FHIT: variants seen among roughly 807,000 people sequenced by gnomAD.
The protein encoded by FHIT is fragile histidine triad diadenosine triphosphatase, also known as bis(5'-adenosyl)-triphosphatase.
A neutral mutation model predicts 17.9 loss-of-function variants in FHIT; 19 were observed. The ratio of observed to expected loss-of-function variants is 1.06; its 90% confidence interval spans 0.74 to 1.56. The LOEUF (loss-of-function observed/expected upper bound fraction) is 1.56, where lower values mean the gene tolerates loss of function less well. Among genes scored for constraint, FHIT ranks in the 40% most tolerant of loss-of-function variants. The pLI, the probability that FHIT is intolerant of heterozygous loss-of-function variation, is 0.00. For synonymous variants in FHIT, 81 were observed against 69.7 expected (o/e 1.16, Z -0.81); for missense variants, 248 against 189.2 (o/e 1.31, Z -1.82).
chr3:59,975,792 A>G (rs1373511978), intron 7 of FHIT, among the ~76,000 whole-genome samples: 1 of 152,094 alleles, frequency 6.6e-6, no homozygotes. Context: ...TTCTTATAGC[A>G]GATCTAGAAC....
chr3:60,800,314 C>T (rs989273585), intron 4 of FHIT, among the ~76,000 whole-genome samples: 2 of 152,160 alleles, frequency 1.3e-5, no homozygotes, highest in African/African-American at 2.4e-5. Flanking sequence ...TATCATCTTA[C>T]GGTGCCTAAT....
chr3:61,116,062 G>A (rs537834806), intron 2 of FHIT, among the ~76,000 whole-genome samples: 5 of 152,112 alleles, frequency 3.3e-5, no homozygotes, highest in African/African-American at 1.2e-4. Flanking sequence ...GAAAATCCTG[G>A]AATTTTCTTA....
chr3:60,139,527 C>T (rs566221115), intron 5 of FHIT, among the ~76,000 whole-genome samples: 11 of 152,256 alleles, frequency 7.2e-5, no homozygotes, highest in African/African-American at 1.9e-4. Flanking sequence ...GATATCCCTT[C>T]TGAACTTCTT....
intron 2 of FHIT, among the ~76,000 whole-genome samples, chr3:61,187,957 T>C (rs952899356): frequency 2.0e-5 from 3 of 152,172 alleles, no homozygotes; most frequent in African/African-American, 7.2e-5. Flanking sequence ...TTTACAGCAC[T>C]AAATGCCCAT....
intron 5 of FHIT, among the ~76,000 whole-genome samples, chr3:60,040,539 C>G (rs890466410): frequency 1.3e-5 from 2 of 152,150 alleles, no homozygotes; most frequent in African/African-American, 4.8e-5. Flanking sequence ...TTGTGAATCT[C>G]CCCTGTCCTC....
intron 5 of FHIT, among the ~76,000 whole-genome samples, chr3:60,235,263 C>T (rs1226306346): frequency 1.4e-5 from 2 of 147,572 alleles, no homozygotes; most frequent in Non-Finnish European, 3.0e-5. Flanking sequence ...CAGAGTCTCA[C>T]TCTCTCACCC....
At position 60,312,211 on chromosome 3, in the gene FHIT, C is replaced by G. The variant is rs375518781; in HGVS notation, c.103+224649G>C. 5.3e-5 allele frequency among the ~76,000 whole-genome samples: 8 copies of G among 152,214 alleles called. No individual in the cohort carries two copies. In the East Asian group the frequency reaches 7.7e-4, roughly 15 times the overall value. ...AGTGCAGTGGCATGGTCATAGCTCA[C>G]TATAACCTCAAACACCTGGGCTCAA... On this transcript the variant is annotated intron_variant, in intron 5 of 9. Transcript: ENST00000492590.
intron 5 of FHIT, among the ~76,000 whole-genome samples, chr3:60,273,507 G>A (rs1246836204): frequency 1.3e-5 from 2 of 152,114 alleles, no homozygotes; most frequent in Non-Finnish European, 2.9e-5. Context: ...CTACTCAGGA[G>A]GCTGAGGGGG....
intron 5 of FHIT, among the ~76,000 whole-genome samples, chr3:60,151,590 C>A (rs553437022): frequency 4.7e-4 from 72 of 152,252 alleles, no homozygotes; most frequent in South Asian, 2.3e-3. Context: ...TTTGCCCCAT[C>A]CCTATCCATC....
intron 2 of FHIT, among the ~76,000 whole-genome samples, chr3:61,183,470 G>A (rs1197129234): frequency 6.6e-6 from 1 of 152,124 alleles, no homozygotes; most frequent in African/African-American, 2.4e-5. Context: ...GAAATGACAG[G>A]TTCTTCTCCC....
chr3:60,722,678 C>T lies in FHIT; in HGVS notation c.-18+99241G>A, dbSNP rs779530169. The stretch of plus-strand genomic sequence containing the variant: ...CCGTATGTCCTCTTGGGGGAAAAAT[C>T]ATACTGGTTGAAAACTGTTACCTTA... On this transcript the variant is annotated intron_variant, in intron 4 of 9. Coordinates refer to ENST00000492590, the MANE Select transcript of FHIT (RefSeq NM_002012.4). Among the ~76,000 whole-genome samples the T allele has an allele frequency of 7.9e-4, 116 of 146,308 alleles. 1 individual carries two copies. The highest frequency in any genetic ancestry group is 2.7e-3 in the South Asian group (12 of 4,390).
At chr3:60,221,269 C>T (rs375939005) in intron 5 of FHIT, among the ~76,000 whole-genome samples, 2 of 152,020 alleles carry the variant, frequency 1.3e-5, no homozygotes, top group South Asian at 2.1e-4. Flanking sequence ...GTTTTCAGAA[C>T]GTTTTTTTCC....
rs1281567026 is a variant in FHIT at position 60,019,415 on chromosome 3, C to CTTTTTTTTTTTTT, written c.104-5276_104-5264dup. Reference sequence around the variant, plus strand: ...ATGGCATTTTAGAGTTGAGATGCTCCTTTTTTTTTTTTTTTTTCCTGAGAT... The same window carrying CTTTTTTTTTTTTT: ...ATGGCATTTTAGAGTTGAGATGCTCCTTTTTTTTTTTTTTTTTTTTTTTTTTTTTTCCTGAGAT... On this transcript the variant is annotated intron_variant, in intron 5 of 9. Transcript: ENST00000492590. Among the ~76,000 whole-genome samples the CTTTTTTTTTTTTT allele has an allele frequency of 3.1e-3, 370 of 121,036 alleles. 20 individuals are homozygous for CTTTTTTTTTTTTT. The highest frequency in any genetic ancestry group is 0.01 in the African/African-American group (333 of 32,496). The allele number at this position is 121,036 out of a possible 152,430, so 79.4% of individuals were successfully genotyped here.
chr3:60,448,703 G>T (rs1017284745), intron 5 of FHIT, among the ~76,000 whole-genome samples: 1 of 152,126 alleles, frequency 6.6e-6, no homozygotes, highest in African/African-American at 2.4e-5. Flanking sequence ...CTTTAAGAAT[G>T]TAACTACGGA....
intron 4 of FHIT, among the ~76,000 whole-genome samples, chr3:60,686,536 T>C (rs1184738371): frequency 6.6e-6 from 1 of 152,074 alleles, no homozygotes; most frequent in Non-Finnish European, 1.5e-5. Context: ...CTGGTTGCTT[T>C]TTTTTTAATC....
At position 61,123,907 on chromosome 3, in the gene FHIT, C is replaced by A. The variant is rs139754394; in HGVS notation, c.-164+76710G>T. 4.9e-4 allele frequency among the ~76,000 whole-genome samples: 74 copies of A among 152,074 alleles called. 1 individual carries two copies. The East Asian group carries it at 0.012, about 25-fold the overall frequency. On this transcript the variant is annotated intron_variant, in intron 2 of 9. Transcript: ENST00000492590. ...TACGTACAACATGGATACTCTTGAGCCCAGGAAAAGAAAAGGTATGTGAAT... is the reference window on the plus strand; with the variant it reads ...TACGTACAACATGGATACTCTTGAGACCAGGAAAAGAAAAGGTATGTGAAT...
intron 5 of FHIT, among the ~76,000 whole-genome samples, chr3:60,471,161 C>CTG (rs1486965856): frequency 2.0e-5 from 3 of 152,182 alleles, no homozygotes; most frequent in Non-Finnish European, 4.4e-5. Flanking sequence ...CTGCCTGGAG[C>CTG]TGTGAGCTGT....
chr3:59,992,334 T>C (rs373650916), intron 7 of FHIT, among the ~76,000 whole-genome samples: 174 of 152,174 alleles, frequency 1.1e-3, no homozygotes, highest in African/African-American at 4.2e-3. Flanking sequence ...AGAATTACTT[T>C]TACAATTAAG....
chr3:60,239,472 G>A (rs971397015), intron 5 of FHIT, among the ~76,000 whole-genome samples: 5 of 152,160 alleles, frequency 3.3e-5, no homozygotes, highest in African/African-American at 1.2e-4. Context: ...GGCTAAGGCA[G>A]GAGTGTGGCT....
Sources: gnomAD v4.1 joint callset for allele counts (sites outside exome capture counted in the v4.1 genomes callset) on GRCh38, gnomAD v4.1.1 for gene constraint, MANE v1.5 for transcripts, NCBI Gene and HGNC (gene_info 2026-07-23, HGNC 2026-07-21) for gene names.